The following DCAF5 variants were observed in gnomAD, a reference collection of about 807,000 sequenced individuals.
DCAF5 encodes DDB1 and CUL4 associated factor 5.
Under a neutral mutation model 80.7 loss-of-function variants are expected in DCAF5, and 9 were observed. The observed-to-expected ratio is 0.11, with a 90% CI of 0.07 to 0.19. DCAF5 has a LOEUF of 0.19. Ranked by LOEUF, DCAF5 falls within the 10% of genes least tolerant of loss-of-function variation. The pLI is 1.00. For missense variants in DCAF5, 842 were observed against 1,205.7 expected (o/e 0.70, Z 4.47); for synonymous variants, 433 against 461.9 (o/e 0.94, Z 0.80).
At position 69,054,834 on chromosome 14, in the gene DCAF5, G is replaced by T. The variant is rs1226251346; in HGVS notation, c.1852C>A (p.Pro618Thr). The change falls in exon 9 of 9, where the codon CCC (proline) becomes ACC (threonine). Residue 618 changes from proline (P) to threonine (T), a missense_variant. By Grantham distance (38) the Pro-to-Thr change is conservative (BLOSUM62 -1). Around this residue, in one of 5 missense-constraint regions of DCAF5, gnomAD observed 607 missense variants for 656.6 expected, o/e 0.92. Transcript: ENST00000341516. ...GAGAGGTCATCCACTTTGATCTGGG[G>T]GTAATCATAGTTGTCTTCTCCAATG... ...TYIGEDNYDY[P>T]QIKVDDLSSS... 6.2e-7 allele frequency: 1 copy of T among 1,614,092 alleles called. No individual in the cohort carries two copies. The highest frequency in any genetic ancestry group is 8.5e-7 in the Non-Finnish European group (1 of 1,180,044).
intron 6 of DCAF5, chr14:69,085,420 T>C: frequency 5.9e-6 from 3 of 505,430 alleles, no homozygotes; most frequent in South Asian, 1.9e-5. Flanking sequence ...TTGAATAACT[T>C]TGTCCTAAAA....
chr14:69,091,066 GC>G (rs2039515493), intron 6 of DCAF5: 5 of 749,886 alleles, frequency 6.7e-6, no homozygotes. Flanking sequence ...TAAACTGCCA[GC>G]TTTAAGTCAA....
Position 69,054,547 on chromosome 14 carries a change from G to A in DCAF5, c.2139C>T (p.Asn713=), listed in dbSNP as rs778461856. 9.4e-5 allele frequency: 152 copies of A among 1,614,102 alleles called. No individual in the cohort carries two copies. The highest frequency in any genetic ancestry group is 1.2e-4 in the Non-Finnish European group (145 of 1,180,034). The change falls in exon 9 of 9, where the codon AAC becomes AAT. Residue 713 remains asparagine, a synonymous_variant. Coordinates refer to ENST00000341516, the MANE Select transcript of DCAF5 (RefSeq NM_003861.3). ...CCTGGTTCCTCTGGGCCATTGCTAT[G>A]TTTAGACAGGCTTCCTTACTGGAAG... is the stretch of plus-strand genomic sequence containing the variant. The part of the protein sequence containing the change: ...APSSSKEACL[N]IAMAQRNQDL...
At position 69,097,091 on chromosome 14, in the gene DCAF5, G is replaced by A. The variant is rs150885518; in HGVS notation, c.666-5204C>T. Among the ~76,000 whole-genome samples, 683 of 152,250 alleles carry A rather than the reference G, an allele frequency of 4.5e-3. 10 individuals are homozygous for A. Among genetic ancestry groups the A allele is most frequent in the African/African-American group, 0.015 (642 of 41,530 alleles). On this transcript the variant is annotated intron_variant, in intron 5 of 8. Coordinates refer to ENST00000341516, the MANE Select transcript of DCAF5 (RefSeq NM_003861.3). ...GAGTATTAGGTGACAAGGCCACAAA[G>A]CTAGAGGAATGCTGAAGAGGAAAGA...
intron 6 of DCAF5, among the ~76,000 whole-genome samples, chr14:69,088,654 A>AT (rs1314862337): frequency 6.6e-6 from 1 of 152,202 alleles, no homozygotes; most frequent in Non-Finnish European, 1.5e-5. Flanking sequence ...ATCCATGTTC[A>AT]TTCCTATTAC....
intron 5 of DCAF5, among the ~76,000 whole-genome samples, chr14:69,095,926 C>T (rs898346175): frequency 6.6e-6 from 1 of 152,146 alleles, no homozygotes; most frequent in African/African-American, 2.4e-5. Flanking sequence ...AACTCACAGA[C>T]ATCAGAGCTG....
chr14:69,085,095 T>C (rs981249758), intron 6 of DCAF5: 3 of 923,280 alleles, frequency 3.2e-6, no homozygotes, highest in Non-Finnish European at 5.4e-6. Context: ...TCAAAAGAAC[T>C]ACTTTTTTCA....
intron 1 of DCAF5, among the ~76,000 whole-genome samples, chr14:69,142,622 G>A (rs182830583): frequency 3.0e-4 from 46 of 152,304 alleles, no homozygotes; most frequent in African/African-American, 1.1e-3. Context: ...GTGAAAAAGT[G>A]CTTCCAAATG....
intron 5 of DCAF5, among the ~76,000 whole-genome samples, chr14:69,111,619 CTT>C (rs2040369732): frequency 2.0e-5 from 3 of 152,148 alleles, no homozygotes; most frequent in Admixed American, 6.6e-5. Context: ...GCAGGGGAAA[CTT>C]TTGCTTTTCC....
At chr14:69,084,210 A>G (rs894345419) in intron 6 of DCAF5, 109 of 985,658 alleles carry the variant, frequency 1.1e-4, no homozygotes, top group Middle Eastern at 3.0e-4. Context: ...ATGAGTCACC[A>G]CGTGCATACC....
chr14:69,144,526 C>T (rs995457760), intron 1 of DCAF5, among the ~76,000 whole-genome samples: 5 of 151,482 alleles, frequency 3.3e-5, no homozygotes, highest in African/African-American at 1.2e-4. Context: ...GAGCCGAGAT[C>T]GCACCACGCC....
intron 4 of DCAF5, among the ~76,000 whole-genome samples, chr14:69,116,739 C>T (rs2040556452): frequency 6.6e-6 from 1 of 152,066 alleles, no homozygotes; most frequent in South Asian, 2.1e-4. Flanking sequence ...ATATATATAG[C>T]AGCTATCAGA....
At chr14:69,133,531 G>A (rs1426396915) in intron 1 of DCAF5, among the ~76,000 whole-genome samples, 2 of 152,068 alleles carry the variant, frequency 1.3e-5, no homozygotes, top group Admixed American at 6.6e-5. Context: ...TTCCCAAATC[G>A]AAACCAGTAG....
intron 1 of DCAF5, among the ~76,000 whole-genome samples, chr14:69,130,446 A>G (rs2041007427): frequency 6.6e-6 from 1 of 152,236 alleles, no homozygotes; most frequent in African/African-American, 2.4e-5. Context: ...GGCGAGTCAT[A>G]GTTTAATGGG....
rs1489818056 is a variant in DCAF5 at position 69,085,282 on chromosome 14, G to A, written c.879+6392C>T. 7 of 716,222 alleles carry A rather than the reference G, an allele frequency of 9.8e-6. No homozygotes were observed. In the Admixed American group the frequency reaches 1.3e-4, roughly 13 times the overall value. 44.4% of individuals were successfully genotyped at this position (716,222 alleles called of 1,614,324 possible). The stretch of plus-strand genomic sequence containing the variant: ...CAATGAAGGCAAGCAGAAAAAGCGA[G>A]TAGGCAGTGGTGGATTTGGCTACCA... On this transcript the variant is annotated intron_variant, in intron 6 of 8. Coordinates refer to ENST00000341516, the MANE Select transcript of DCAF5 (RefSeq NM_003861.3).
chr14:69,096,179 T>C (rs1362923382), intron 5 of DCAF5, among the ~76,000 whole-genome samples: 2 of 152,180 alleles, frequency 1.3e-5, no homozygotes, highest in African/African-American at 4.8e-5. Context: ...AGAGTCCCGA[T>C]AATCCATTAA....
chr14:69,092,581 G>A (rs566248435), intron 5 of DCAF5, among the ~76,000 whole-genome samples: 1 of 152,258 alleles, frequency 6.6e-6, no homozygotes, highest in South Asian at 2.1e-4. Context: ...TCACGCCACT[G>A]CACTCCAGCC....
chr14:69,096,914 C>T (rs1240596249), intron 5 of DCAF5, among the ~76,000 whole-genome samples: 1 of 151,296 alleles, frequency 6.6e-6, no homozygotes, highest in African/African-American at 2.4e-5. Context: ...AATGAATAGT[C>T]GTTGGCAAGA....
At chr14:69,104,710 A>T (rs766043736) in intron 5 of DCAF5, among the ~76,000 whole-genome samples, 1 of 152,120 alleles carries the variant, frequency 6.6e-6, no homozygotes, top group African/African-American at 2.4e-5. Flanking sequence ...ACCAAAAATT[A>T]GCCGAGTGTA....
Sources: gnomAD v4.1 joint callset for allele counts (sites outside exome capture counted in the v4.1 genomes callset) on GRCh38, gnomAD v4.1.1 for gene constraint, gnomAD v4.1.1 regional missense constraint, MANE v1.5 for transcripts, NCBI Gene and HGNC (gene_info 2026-07-23, HGNC 2026-07-21) for gene names.